Variants in BLNK observed in about 807,000 individuals in gnomAD.
BLNK encodes B-cell linker protein.
In BLNK, 29 loss-of-function variants were observed where a neutral mutation model predicts 73.5. The ratio of observed to expected loss-of-function variants is 0.39; its 90% CI spans 0.29 to 0.54. The LOEUF (loss-of-function observed/expected upper bound fraction) is 0.54. BLNK is among the 20% of genes least tolerant of loss of function. The pLI, the probability that BLNK is intolerant of heterozygous loss-of-function variation, is 0.61. For synonymous variants in BLNK, 176 were observed against 200.8 expected (o/e 0.88, Z 1.04); for missense variants, 460 against 562.8 (o/e 0.82, Z 1.85).
chr10:96,210,462 C>A (rs1177037082), intron 8 of BLNK, among the ~76,000 whole-genome samples: 1 of 152,266 alleles, frequency 6.6e-6, no homozygotes, highest in Non-Finnish European at 1.5e-5. Context: ...CAAGGGCTTT[C>A]GCCGACAGGT....
intron 8 of BLNK, among the ~76,000 whole-genome samples, chr10:96,213,790 C>A (rs1354457068): frequency 3.3e-5 from 5 of 152,166 alleles, no homozygotes; most frequent in Admixed American, 1.3e-4. Flanking sequence ...CCTGAGTTAT[C>A]GGGAGTTAGG....
At chr10:96,261,094 G>A (rs1379313523) in intron 1 of BLNK, among the ~76,000 whole-genome samples, 2 of 152,000 alleles carry the variant, frequency 1.3e-5, no homozygotes, top group Non-Finnish European at 2.9e-5. Context: ...CTTTGTCCAC[G>A]TCGGCCTCCC....
chr10:96,229,098 A>T (rs587666689), intron 4 of BLNK, among the ~76,000 whole-genome samples: 1 of 152,210 alleles, frequency 6.6e-6, no homozygotes, highest in Admixed American at 6.5e-5. Context: ...TTCCAATTAT[A>T]TTCTTTTAGT....
Position 96,260,848 on chromosome 10 carries a change from C to CT in BLNK, c.47+10503dup, listed in dbSNP as rs112579082. 1.6e-3 allele frequency among the ~76,000 whole-genome samples: 237 copies of CT among 145,478 alleles called. 1 individual carries two copies. The highest frequency in any genetic ancestry group is 3.6e-3 in the African/African-American group (145 of 39,914). Reference sequence around the variant, plus strand: ...TTAAATAAAAATTTTGAAGCAATATCTTTTTTTTTTTTTGAGACAGGGTCT... The same window carrying CT: ...TTAAATAAAAATTTTGAAGCAATATCTTTTTTTTTTTTTTGAGACAGGGTCT... On this transcript the variant is annotated intron_variant, in intron 1 of 16. Coordinates refer to ENST00000224337, the MANE Select transcript of BLNK (RefSeq NM_013314.4).
chr10:96,227,679 A>G, intron 4 of BLNK, 113 bp from the exon 5 acceptor site: 3 of 1,533,708 alleles, frequency 2.0e-6, no homozygotes, highest in Non-Finnish European at 2.7e-6. Flanking sequence ...AGGCTTGGAG[A>G]GGTTGACTTC....
intron 5 of BLNK, among the ~76,000 whole-genome samples, 157 bp downstream of exon 5, chr10:96,227,253 C>T (rs1842303937): frequency 6.6e-6 from 1 of 152,222 alleles, no homozygotes; most frequent in South Asian, 2.1e-4. Flanking sequence ...GATCCTTTAC[C>T]TCGGAGCCCA....
intron 4 of BLNK, among the ~76,000 whole-genome samples, chr10:96,228,395 T>C (rs1564832879): frequency 1.3e-5 from 2 of 152,162 alleles, no homozygotes; most frequent in African/African-American, 4.8e-5. Context: ...GTAGCTGGGA[T>C]TACAAATTGC....
intron 2 of BLNK, among the ~76,000 whole-genome samples, chr10:96,246,560 C>CA (rs1306069809): frequency 6.6e-6 from 1 of 151,996 alleles, no homozygotes; most frequent in Non-Finnish European, 1.5e-5. Context: ...CTCAAAAAAA[C>CA]AAAAAAACAA....
At chr10:96,199,313 A>G (rs781827847) in intron 15 of BLNK, among the ~76,000 whole-genome samples, 56 of 152,348 alleles carry the variant, frequency 3.7e-4, no homozygotes, top group African/African-American at 1.3e-3. Flanking sequence ...TGGTGTTCCT[A>G]CATGATTGAA....
intron 3 of BLNK, among the ~76,000 whole-genome samples, chr10:96,231,112 T>G (rs1447961318): frequency 6.6e-6 from 1 of 152,204 alleles, no homozygotes; most frequent in Admixed American, 6.5e-5. Flanking sequence ...GGTCCCCCAG[T>G]AGAGACCTAC....
At chr10:96,250,526 G>A (rs868963685) in intron 1 of BLNK, among the ~76,000 whole-genome samples, 4 of 151,954 alleles carry the variant, frequency 2.6e-5, no homozygotes, top group Admixed American at 1.3e-4. Flanking sequence ...AGGGCAGCTC[G>A]TTGTAAGCTG....
At position 96,200,021 on chromosome 10, in the gene BLNK, CAAAT is replaced by C. The variant is rs1230213913; in HGVS notation, c.1095+50_1095+53del. On this transcript the variant is annotated intron_variant, in intron 15 of 16. Transcript: ENST00000224337. The surrounding 1 kb of genome is among the most constrained non-coding windows in gnomAD (Gnocchi z 4.3). ...CCAGTGAAACTGCATCATCTCAAAA[CAAAT>C]AAATAAAATAAAATAAAATAAAAAT... 152 of 1,253,966 alleles carry C rather than the reference CAAAT, an allele frequency of 1.2e-4. No individual in the cohort carries two copies. Among genetic ancestry groups the C allele is most frequent in the Middle Eastern group, 6.0e-4 (2 of 3,360 alleles). The allele number at this position is 1,253,966 out of a possible 1,614,324, so 77.7% of individuals were successfully genotyped here. A position where few individuals can be genotyped will look rare whatever the true frequency, so the allele number is the denominator to read the frequency against.
chr10:96,190,189 G>T lies in BLNK; in HGVS notation c.*1784C>A. 2.5e-6 allele frequency: 2 copies of T among 791,390 alleles called. No individual in the cohort carries two copies. The highest frequency in any genetic ancestry group is 4.5e-6 in the Non-Finnish European group (2 of 446,882). The allele number at this position is 791,390 out of a possible 1,614,324, so 49.0% of individuals were successfully genotyped here. On this transcript the variant is annotated 3_prime_UTR_variant, in exon 17 of 17. Coordinates refer to ENST00000224337, the MANE Select transcript of BLNK (RefSeq NM_013314.4). ...GAAAAGATAGTTCTGGGCCTCAGGG[G>T]GCTCACGTCCATGTCCATCGAATCT...
chr10:96,236,491 T>G (rs1842695740), intron 3 of BLNK, among the ~76,000 whole-genome samples: 1 of 152,128 alleles, frequency 6.6e-6, no homozygotes, highest in Non-Finnish European at 1.5e-5. Flanking sequence ...AGACCCAGAT[T>G]CAGGCTGGCT....
intron 15 of BLNK, chr10:96,199,558 G>T: frequency 2.2e-6 from 1 of 458,172 alleles, no homozygotes; most frequent in Non-Finnish European, 4.4e-6. Context: ...AGGACAAGTA[G>T]AAATGAGATG....
At chr10:96,259,148 C>G (rs559554737) in intron 1 of BLNK, among the ~76,000 whole-genome samples, 8 of 152,370 alleles carry the variant, frequency 5.3e-5, no homozygotes, top group African/African-American at 1.9e-4. Context: ...GCTTCAGCAC[C>G]TACGTTGCCT....
chr10:96,208,487 C>T (rs1311601966), intron 9 of BLNK, among the ~76,000 whole-genome samples: 2 of 152,114 alleles, frequency 1.3e-5, no homozygotes, highest in Non-Finnish European at 2.9e-5. Context: ...GATGTGTGGT[C>T]CTGAAGGTAC....
intron 1 of BLNK, among the ~76,000 whole-genome samples, chr10:96,255,502 T>C (rs1843471149): frequency 6.6e-6 from 1 of 151,794 alleles, no homozygotes; most frequent in African/African-American, 2.4e-5. Context: ...TTTTTTTTTT[T>C]CATTTGTCTT....
rs540642954 is a variant in BLNK, at chr10:96,255,294, T to A, written c.48-8245A>T. ...GATATTTCGGCCAGATCACCAGAGG[T>A]GTCCAAGAAATTACATATTTGACAA... On this transcript the variant is annotated intron_variant, in intron 1 of 16. Transcript: ENST00000224337. 7.9e-5 allele frequency among the ~76,000 whole-genome samples: 12 copies of A among 152,318 alleles called. No individual in the cohort carries two copies. The South Asian group carries it at 2.5e-3, about 32-fold the overall frequency.
Sources: gnomAD v4.1 joint callset for allele counts (sites outside exome capture counted in the v4.1 genomes callset) on GRCh38, gnomAD v4.1.1 for gene constraint, Gnocchi (gnomAD v3.1) non-coding constraint, MANE v1.5 for transcripts, NCBI Gene and HGNC (gene_info 2026-07-23, HGNC 2026-07-21) for gene names.